Variants in PID1 observed in about 807,000 individuals in gnomAD.
PID1 encodes phosphotyrosine interaction domain containing 1.
Under a neutral mutation model 19.1 loss-of-function variants are expected in PID1, and 10 were observed. The observed-to-expected ratio is 0.52, with a 90% CI of 0.32 to 0.89. The LOEUF is 0.89. PID1 is among the 40% of genes least tolerant of loss of function. PID1 has a pLI of 0.03. For missense variants in PID1, 248 were observed against 285.3 expected (o/e 0.87, Z 0.94); for synonymous variants, 130 against 116.0 (o/e 1.12, Z -0.78).
Position 229,262,416 on chromosome 2 carries a change from A to G in PID1, c.30+8598T>C, listed in dbSNP as rs117457363. ...CACCAGAAGGAAATAAAGGAGAAAG[A>G]AGCAATAGCTTAGTTGTTTGCTGTT... On this transcript the variant is annotated intron_variant, in intron 1 of 2. Transcript: ENST00000392055. Among the ~76,000 whole-genome samples the G allele has an allele frequency of 5.5e-4, 84 of 152,334 alleles. 1 individual carries two copies. The East Asian group carries it at 0.014, about 26-fold the overall frequency.
chr2:229,222,864 AACACACACAC>A (rs72386398), intron 1 of PID1, among the ~76,000 whole-genome samples: 5 of 103,904 alleles, frequency 4.8e-5, no homozygotes, highest in Non-Finnish European at 9.9e-5. Context: ...TTCACACACA[AACACACACAC>A]ACACACACAC....
chr2:229,270,338 T>C (rs1256316804), intron 1 of PID1, among the ~76,000 whole-genome samples: 2 of 152,160 alleles, frequency 1.3e-5, no homozygotes, highest in Non-Finnish European at 2.9e-5. Context: ...TTCTCTTCAA[T>C]CGCCTCCCGC....
intron 2 of PID1, among the ~76,000 whole-genome samples, chr2:229,082,009 T>A (rs139500670): frequency 0.011 from 1,650 of 152,262 alleles, 22 homozygotes; most frequent in Non-Finnish European, 0.019. Flanking sequence ...AAACACAAAT[T>A]ATAACCTTAA....
rs964803866 is a variant in PID1 at position 229,024,747 on chromosome 2, G to A, written c.*885C>T. ...GATAAAAGGAGAGTTGACATAGAGT[G>A]TGTTCACTTGCTGATCACTTATTCC... is the stretch of plus-strand genomic sequence containing the variant. On this transcript the variant is annotated 3_prime_UTR_variant, in exon 3 of 3. Transcript: ENST00000392055. 5 of 152,632 alleles carry A rather than the reference G, an allele frequency of 3.3e-5. No homozygotes were observed. Among genetic ancestry groups the A allele is most frequent in the Non-Finnish European group, 7.3e-5 (5 of 68,034 alleles). 9.5% of individuals were successfully genotyped at this position (152,632 alleles called of 1,614,324 possible).
chr2:229,225,537 C>A lies in PID1; in HGVS notation c.30+45477G>T, dbSNP rs142081776. Among the ~76,000 whole-genome samples, 862 of 152,252 alleles carry A rather than the reference C, an allele frequency of 5.7e-3. 24 individuals are homozygous for A. The highest frequency in any genetic ancestry group is 2.8e-3 in the Non-Finnish European group (193 of 68,010). ...ATTCACTTGGATGCTTCTCCTGCAC[C>A]CAGGGACATAGCTCCTCTTTGGTGG... On this transcript the variant is annotated intron_variant, in intron 1 of 2. Coordinates refer to ENST00000392055, the MANE Select transcript of PID1 (RefSeq NM_001100818.2).
intron 2 of PID1, among the ~76,000 whole-genome samples, chr2:229,138,737 C>G (rs1434745316): frequency 6.6e-6 from 1 of 151,806 alleles, no homozygotes; most frequent in Non-Finnish European, 1.5e-5. Flanking sequence ...AGAAACATCC[C>G]CAGCTAGTGT....
At chr2:229,243,274 C>G (rs1689921180) in intron 1 of PID1, among the ~76,000 whole-genome samples, 1 of 152,128 alleles carries the variant, frequency 6.6e-6, no homozygotes, top group Non-Finnish European at 1.5e-5. Context: ...AATTACTTCC[C>G]ACTAGGTTCC....
At chr2:229,260,397 G>T (rs1690426308) in intron 1 of PID1, among the ~76,000 whole-genome samples, 1 of 151,706 alleles carries the variant, frequency 6.6e-6, no homozygotes, top group Non-Finnish European at 1.5e-5. Flanking sequence ...AATGAGTTGG[G>T]TCTACATATA....
chr2:229,153,438 C>T (rs563224409), intron 2 of PID1, among the ~76,000 whole-genome samples: 1 of 152,246 alleles, frequency 6.6e-6, no homozygotes, highest in Admixed American at 6.5e-5. Flanking sequence ...CTTTATATAG[C>T]CCGGTGGAAT....
At chr2:229,251,960 A>G (rs1179782851) in intron 1 of PID1, among the ~76,000 whole-genome samples, 3 of 151,564 alleles carry the variant, frequency 2.0e-5, no homozygotes, top group African/African-American at 7.3e-5. Flanking sequence ...AAAAAAAAAA[A>G]AAAGAAAAGC....
At chr2:229,173,866 C>T (rs1690759918) in intron 1 of PID1, among the ~76,000 whole-genome samples, 1 of 152,172 alleles carries the variant, frequency 6.6e-6, no homozygotes, top group African/African-American at 2.4e-5. Flanking sequence ...GTATAAACAC[C>T]TCAGCTCCCT....
At position 229,066,720 on chromosome 2, in the gene PID1, C is replaced by T. The variant is rs560901307; in HGVS notation, c.178-40612G>A. On this transcript the variant is annotated intron_variant, in intron 2 of 2. Transcript: ENST00000392055. ...ATTTTGAGGACATAGCATACGCGTGCTGAAGACTCCATTCTAGATATTAAG... is the reference window on the plus strand; with the variant it reads ...ATTTTGAGGACATAGCATACGCGTGTTGAAGACTCCATTCTAGATATTAAG... Among the ~76,000 whole-genome samples, 7 of 151,918 alleles carry T rather than the reference C, an allele frequency of 4.6e-5. No homozygotes were observed. In the South Asian group the frequency reaches 1.5e-3, roughly 32 times the overall value.
chr2:229,241,763 A>G (rs2106276654), intron 1 of PID1, among the ~76,000 whole-genome samples: 1 of 152,270 alleles, frequency 6.6e-6, no homozygotes, highest in Non-Finnish European at 1.5e-5. Context: ...TGCTGAAGTT[A>G]AAATAGAATC....
intron 2 of PID1, among the ~76,000 whole-genome samples, chr2:229,154,267 C>T (rs903976627): frequency 6.6e-6 from 1 of 152,038 alleles, no homozygotes. Flanking sequence ...CTTTTCCCCC[C>T]ACCCCCAGCG....
intron 2 of PID1, among the ~76,000 whole-genome samples, chr2:229,126,534 T>C (rs960522000): frequency 1.3e-5 from 2 of 152,200 alleles, no homozygotes; most frequent in African/African-American, 4.8e-5. Context: ...ATGCATGGTT[T>C]AGGAACCCGA....
At chr2:229,120,312 T>C (rs148212794) in intron 2 of PID1, among the ~76,000 whole-genome samples, 240 of 152,298 alleles carry the variant, frequency 1.6e-3, no homozygotes, top group African/African-American at 5.4e-3. Flanking sequence ...ATACATATTT[T>C]GTATACGTAT....
intron 2 of PID1, among the ~76,000 whole-genome samples, chr2:229,111,754 T>C (rs2106148993): frequency 6.6e-6 from 1 of 152,348 alleles, no homozygotes; most frequent in Non-Finnish European, 1.5e-5. Flanking sequence ...ATAAAGAATA[T>C]ACTGATAGCG....
At chr2:229,246,632 C>G (rs1038523804) in intron 1 of PID1, among the ~76,000 whole-genome samples, 1 of 152,154 alleles carries the variant, frequency 6.6e-6, no homozygotes, top group Non-Finnish European at 1.5e-5. Context: ...CAAATAAAAA[C>G]ATGAGTGGAT....
intron 1 of PID1, among the ~76,000 whole-genome samples, chr2:229,198,503 C>T (rs1691425895): frequency 6.6e-6 from 1 of 152,004 alleles, no homozygotes; most frequent in Non-Finnish European, 1.5e-5. Context: ...TATACACTTG[C>T]CTTCTTCATG....
Sources: gnomAD v4.1 joint callset for allele counts (sites outside exome capture counted in the v4.1 genomes callset) on GRCh38, gnomAD v4.1.1 for gene constraint, MANE v1.5 for transcripts, NCBI Gene and HGNC (gene_info 2026-07-23, HGNC 2026-07-21) for gene names.